The following SUPT16H variants were observed in gnomAD, a reference collection of about 807,000 sequenced individuals.
SUPT16H encodes the protein SPT16 homolog, facilitates chromatin remodeling subunit, also known as FACT complex subunit SPT16.
Under a neutral mutation model 136.2 loss-of-function variants are expected in SUPT16H, and 24 were observed. The ratio of observed to expected loss-of-function variants is 0.18; its 90% CI spans 0.13 to 0.25. The LOEUF (loss-of-function observed/expected upper bound fraction) is 0.25. Among genes scored for constraint, SUPT16H ranks in the 10% least tolerant of loss-of-function variants. The probability of loss-of-function intolerance (pLI) is 1.00; values close to 1 mark genes in which losing one functional copy is unlikely to be tolerated. For missense variants in SUPT16H, 623 were observed against 1,270.2 expected, an observed-to-expected ratio of 0.49 and a Z score of 7.74; for synonymous variants, 415 against 428.2, an observed-to-expected ratio of 0.97 and a Z score of 0.38.
Position 21,370,462 on chromosome 14 carries a change from G to A in SUPT16H, c.357C>T (p.Asp119=). The A allele has an allele frequency of 6.2e-7, 1 of 1,613,924 alleles. No individual in the cohort carries two copies. The highest frequency in any genetic ancestry group is 1.1e-5 in the South Asian group (1 of 91,064). The change falls in exon 4 of 26, where the codon GAC becomes GAT. Residue 119 remains aspartate, a synonymous_variant. Transcript: ENST00000216297. ...EKNESNKSSF[D]KMIEAIKESK... The stretch of plus-strand genomic sequence containing the variant: ...TTTCTTTAATGGCTTCAATCATTTT[G>A]TCAAAGCTACTCTTATTACTTTCAT...
intron 8 of SUPT16H, 61 bp from the exon 9 acceptor site, chr14:21,365,204 A>G: frequency 6.9e-7 from 1 of 1,452,738 alleles, no homozygotes; most frequent in Non-Finnish European, 9.5e-7. Flanking sequence ...GATCAAGCAT[A>G]ACATATTCAT....
At chr14:21,383,082 A>G (rs553662745) in intron 1 of SUPT16H, 1 of 152,718 alleles carries the variant, frequency 6.5e-6, no homozygotes, top group South Asian at 2.1e-4. Context: ...GAATGCAACC[A>G]AATGTTTGCT....
rs1886599554 is a variant in SUPT16H at position 21,363,452 on chromosome 14, C to G, written c.1285G>C (p.Gly429Arg). Residue 429 changes from glycine to arginine, a missense_variant, in exon 11 of 26, where the codon GGG becomes CGG. By Grantham distance (125) the Gly-to-Arg change is moderately radical. Transcript: ENST00000216297. ...CTTCTTCCTACCTTTAGGAAAATCC[C>G]CACATTCTTCACTTTCTTCTTCACA... is the stretch of plus-strand genomic sequence containing the variant. ...TSVKKKVKNV[G>R]IFLKNEDEEE... 1 of 1,613,770 alleles carries G rather than the reference C, an allele frequency of 6.2e-7. No homozygotes were observed. The highest frequency in any genetic ancestry group is 1.3e-5 in the African/African-American group (1 of 74,908).
chr14:21,373,321 T>A lies in SUPT16H; in HGVS notation c.159+17A>T, dbSNP rs1886828343. The A allele has an allele frequency of 6.3e-7, 1 of 1,586,218 alleles. No homozygotes were observed. The highest frequency in any genetic ancestry group is 8.7e-7 in the Non-Finnish European group (1 of 1,154,880). Reference sequence around the variant, plus strand: ...TCCAACAACTCTAAGAGCTAAAAATTGCTGTAAATCTCTCACCTGTAAGGC... The same window carrying A: ...TCCAACAACTCTAAGAGCTAAAAATAGCTGTAAATCTCTCACCTGTAAGGC... On this transcript the variant is annotated intron_variant, in intron 2 of 25. Transcript: ENST00000216297.
Position 21,353,810 on chromosome 14 carries a change from T to A in SUPT16H, c.2813A>T (p.Asp938Val). ...EGEGSDAEEGDSESEIEDETF... is the reference protein window; with the variant it reads ...EGEGSDAEEGVSESEIEDETF... ...CTCATCTTCAATTTCAGACTCTGAA[T>A]CCCCTTCTTCAGCATCACTCCCCTG... The change falls in exon 24 of 26, where the codon GAT becomes GTT. Residue 938 changes from aspartate (D) to valine (V), a missense_variant. Asp to Val is a radical substitution (Grantham distance 152, BLOSUM62 -3). Around this residue, in one of 7 missense-constraint regions of SUPT16H, gnomAD observed 88 missense variants for 135.5 expected, o/e 0.65. Transcript: ENST00000216297. 1 of 1,613,794 alleles carries A rather than the reference T, an allele frequency of 6.2e-7. No homozygotes were observed. Among genetic ancestry groups the A allele is most frequent in the Non-Finnish European group, 8.5e-7 (1 of 1,179,926 alleles).
intron 8 of SUPT16H, 73 bp downstream of exon 8, chr14:21,366,366 A>G (rs1173547983): frequency 2.8e-5 from 39 of 1,407,562 alleles, no homozygotes; most frequent in Non-Finnish European, 3.6e-5. Context: ...CAATTAGCCT[A>G]AAGAAATAAG....
intron 2 of SUPT16H, chr14:21,372,588 T>C (rs1450228807): frequency 2.5e-6 from 1 of 398,882 alleles, no homozygotes; most frequent in East Asian, 7.4e-5. Flanking sequence ...TGTTTTCTTC[T>C]CTGTCTCTTT....
intron 22 of SUPT16H, among the ~76,000 whole-genome samples, chr14:21,356,996 C>T (rs1414047699): frequency 6.6e-6 from 1 of 152,146 alleles, no homozygotes; most frequent in African/African-American, 2.4e-5. Flanking sequence ...TAAGTATGCA[C>T]AAGCTATTGT....
In SUPT16H at chr14:21,352,731, C is replaced by T. The variant is rs748118048; in HGVS notation, c.3086G>A (p.Arg1029His). The change falls in exon 26 of 26, where the codon CGT becomes CAT. Residue 1029 changes from arginine to histidine, a missense_variant. By Grantham distance (29) the Arg-to-His change is conservative. Transcript: ENST00000216297. ...GTGTCTGGAACCACGGTTAGAGCCA[C>T]GGCCCGAACTGTGCACAGATGCCTT... Reference protein sequence around the residue: ...KRKASVHSSGRGSNRGSRHSS... With the variant: ...KRKASVHSSGHGSNRGSRHSS... 2.4e-5 allele frequency: 39 copies of T among 1,613,958 alleles called. No homozygotes were observed. The highest frequency in any genetic ancestry group is 1.5e-4 in the African/African-American group (11 of 74,886).
intron 22 of SUPT16H, among the ~76,000 whole-genome samples, chr14:21,356,952 C>T (rs1405347813): frequency 6.6e-6 from 1 of 151,838 alleles, no homozygotes; most frequent in East Asian, 1.9e-4. Flanking sequence ...ACACTGAAAA[C>T]AAAAAAGATC....
At chr14:21,379,525 TA>T (rs1309667591) in intron 1 of SUPT16H, among the ~76,000 whole-genome samples, 1 of 151,898 alleles carries the variant, frequency 6.6e-6, no homozygotes. Flanking sequence ...TCTGGGCATT[TA>T]TTTCCATCTA....
chr14:21,371,662 A>G (rs61971523), intron 3 of SUPT16H, among the ~76,000 whole-genome samples: 3,779 of 152,382 alleles, frequency 0.025, 51 homozygotes, highest in African/African-American at 0.033. Flanking sequence ...AGTGTTCACC[A>G]GAATTTCATA....
Position 21,373,412 on chromosome 14 carries a change from C to A in SUPT16H, c.85G>T (p.Ala29Ser). The A allele has an allele frequency of 6.2e-7, 1 of 1,613,996 alleles. No homozygotes were observed. The highest frequency in any genetic ancestry group is 8.5e-7 in the Non-Finnish European group (1 of 1,179,876). Residue 29 changes from alanine to serine, a missense_variant, in exon 2 of 26, where the codon GCC becomes TCC. Coordinates refer to ENST00000216297, the MANE Select transcript of SUPT16H (RefSeq NM_007192.4). ...GATACAACAATGGCATCAACGTTGG[C>A]ATACTCATCTTCTCCTTTCTGAAAA... ...SNWRKGEDEY[A>S]NVDAIVVSVG...
intron 1 of SUPT16H, among the ~76,000 whole-genome samples, chr14:21,381,956 A>T (rs182078857): frequency 7.2e-5 from 11 of 152,260 alleles, no homozygotes; most frequent in African/African-American, 2.6e-4. Context: ...CTTATTAAAA[A>T]AAGGAAAAGG....
intron 7 of SUPT16H, among the ~76,000 whole-genome samples, chr14:21,367,193 A>T (rs1478790876): frequency 6.6e-6 from 1 of 152,192 alleles, no homozygotes; most frequent in African/African-American, 2.4e-5. Context: ...GGCCTCCCAG[A>T]GTGCCGGGAT....
intron 1 of SUPT16H, 24 bp from the exon 2 acceptor site, chr14:21,373,454 CTTAAT>C: frequency 6.5e-7 from 1 of 1,548,432 alleles, no homozygotes; most frequent in Non-Finnish European, 8.9e-7. Context: ...GTAATCATCA[CTTAAT>C]TTTTCACACT....
intron 6 of SUPT16H, among the ~76,000 whole-genome samples, chr14:21,368,726 G>C (rs930591142): frequency 3.9e-5 from 6 of 152,172 alleles, no homozygotes; most frequent in African/African-American, 1.2e-4. Context: ...ATCCATTATA[G>C]TCTAATTGTG....
chr14:21,357,674 C>T (rs1321076353), intron 21 of SUPT16H, among the ~76,000 whole-genome samples: 1 of 152,010 alleles, frequency 6.6e-6, no homozygotes, highest in Admixed American at 6.5e-5. Flanking sequence ...TAGGTTCTTG[C>T]TATGTTGCCC....
intron 19 of SUPT16H, 82 bp from the exon 20 acceptor site, chr14:21,358,509 C>CTT: frequency 1.0e-6 from 1 of 980,528 alleles, no homozygotes. Flanking sequence ...TGCTTTTGTG[C>CTT]TTTAAAATAA....
Sources: gnomAD v4.1 joint callset for allele counts (sites outside exome capture counted in the v4.1 genomes callset) on GRCh38, gnomAD v4.1.1 for gene constraint, gnomAD v4.1.1 regional missense constraint, MANE v1.5 for transcripts, NCBI Gene and HGNC (gene_info 2026-07-23, HGNC 2026-07-21) for gene names.